Variants in FBXL5 observed in about 807,000 individuals in gnomAD.
FBXL5 encodes F-box/LRR-repeat protein 5.
A neutral mutation model predicts 78.3 loss-of-function variants in FBXL5; 26 were observed. The ratio of observed to expected loss-of-function variants is 0.33; its 90% CI spans 0.24 to 0.46. The LOEUF is 0.46. Ranked by LOEUF, FBXL5 falls within the 20% of genes least tolerant of loss-of-function variation. The pLI, the probability that FBXL5 is intolerant of heterozygous loss-of-function variation, is 1.00. For synonymous variants in FBXL5, 295 were observed against 282.5 expected, an observed-to-expected ratio of 1.04 and a Z score of -0.45; for missense variants, 710 against 829.2, an observed-to-expected ratio of 0.86 and a Z score of 1.77.
At chr4:15,626,605 T>C (rs1713089927) in intron 8 of FBXL5, among the ~76,000 whole-genome samples, 1 of 152,154 alleles carries the variant, frequency 6.6e-6, no homozygotes, top group Non-Finnish European at 1.5e-5. Context: ...TAAAAACATA[T>C]AATACCAATC....
At chr4:15,656,241 C>CT (rs1716931010), upstream of FBXL5, 1 of 456,134 alleles carries the variant, frequency 2.2e-6, no homozygotes, top group Non-Finnish European at 4.4e-6. Flanking sequence ...AGGAAAATGT[C>CT]TGCCTCTTTC....
chr4:15,668,272 G>C (rs968125988), intron 1 of FBXL5, among the ~76,000 whole-genome samples: 3 of 150,492 alleles, frequency 2.0e-5, no homozygotes, highest in Non-Finnish European at 4.4e-5. Flanking sequence ...TTTATAACTT[G>C]TAACATTTTA....
chr4:15,679,061 CTATTT>C (rs1403858424), intron 1 of FBXL5, among the ~76,000 whole-genome samples: 194 of 142,292 alleles, frequency 1.4e-3, no homozygotes, highest in African/African-American at 4.7e-3. Context: ...ACTAAAATCT[CTATTT>C]TTTTTTTTTT....
intron 9 of FBXL5, among the ~76,000 whole-genome samples, chr4:15,616,872 T>C (rs1711944270): frequency 6.6e-6 from 1 of 152,218 alleles, no homozygotes; most frequent in African/African-American, 2.4e-5. Flanking sequence ...GACATTTCCC[T>C]GTCACACTTT....
chr4:15,612,763 GA>G (rs1455675503), intron 9 of FBXL5, among the ~76,000 whole-genome samples: 1 of 151,888 alleles, frequency 6.6e-6, no homozygotes, highest in Non-Finnish European at 1.5e-5. Flanking sequence ...GAAAATTACT[GA>G]AGCTTAAAAC....
intron 1 of FBXL5, among the ~76,000 whole-genome samples, chr4:15,651,306 A>G (rs1427463749): frequency 2.6e-5 from 4 of 152,022 alleles, no homozygotes; most frequent in East Asian, 1.9e-4. Flanking sequence ...TCCGAAGGGG[A>G]AAAAAAATCC....
At chr4:15,617,350 T>A (rs909153301) in intron 9 of FBXL5, among the ~76,000 whole-genome samples, 1 of 151,670 alleles carries the variant, frequency 6.6e-6, no homozygotes, top group South Asian at 2.1e-4. Context: ...TGGACCAGAC[T>A]GGGCAACACG....
intron 9 of FBXL5, among the ~76,000 whole-genome samples, chr4:15,614,751 G>C (rs1163068046): frequency 6.6e-6 from 1 of 152,112 alleles, no homozygotes; most frequent in East Asian, 1.9e-4. Flanking sequence ...ACAGCACGCT[G>C]GCAGTCCTCA....
chr4:15,646,310 G>C (rs1715339627), intron 1 of FBXL5, among the ~76,000 whole-genome samples: 2 of 151,416 alleles, frequency 1.3e-5, no homozygotes, highest in Non-Finnish European at 2.9e-5. Flanking sequence ...GTGATGCTTG[G>C]CTCTTAAGCC....
At chr4:15,641,553 T>C (rs1162160369) in intron 2 of FBXL5, 13 of 451,478 alleles carry the variant, frequency 2.9e-5, no homozygotes, top group Admixed American at 2.7e-4. Context: ...ATATATATTT[T>C]ACATATAATA....
chr4:15,646,649 A>C (rs1440594830), intron 1 of FBXL5, among the ~76,000 whole-genome samples: 1 of 151,548 alleles, frequency 6.6e-6, no homozygotes, highest in Non-Finnish European at 1.5e-5. Context: ...GCACCCATTA[A>C]CCCGTCATCT....
At chr4:15,632,655 A>G (rs190416274) in intron 5 of FBXL5, among the ~76,000 whole-genome samples, 6 of 152,094 alleles carry the variant, frequency 3.9e-5, no homozygotes, top group African/African-American at 1.4e-4. Context: ...ATTCCTAGGT[A>G]TTTTATTCTC....
At chr4:15,678,520 T>G (rs1284249833) in intron 1 of FBXL5, among the ~76,000 whole-genome samples, 1 of 152,248 alleles carries the variant, frequency 6.6e-6, no homozygotes, top group African/African-American at 2.4e-5. Context: ...GCTACTTTCA[T>G]GCATAGGTAT....
At chr4:15,622,694 C>T (rs1238573392) in intron 9 of FBXL5, among the ~76,000 whole-genome samples, 1 of 152,084 alleles carries the variant, frequency 6.6e-6, no homozygotes, top group Admixed American at 6.6e-5. Context: ...TAGAACAGTG[C>T]AAGAAATGTA....
Position 15,628,047 on chromosome 4 carries a change from T to A in FBXL5, c.893-14A>T. On this transcript the variant is annotated splice_polypyrimidine_tract_variant and intron_variant, in intron 6 of 10. Transcript: ENST00000341285. ...CCGCAGACTCTTCTGTAAAATGAAT[T>A]CAAAAGTCCAAGAACTTGATAAACT... is the stretch of plus-strand genomic sequence containing the variant. 6.2e-7 allele frequency: 1 copy of A among 1,601,822 alleles called. No homozygotes were observed. The highest frequency in any genetic ancestry group is 1.1e-5 in the South Asian group (1 of 90,768).
At chr4:15,627,842 G>T (rs201380547) in intron 7 of FBXL5, 43 bp downstream of exon 7, 17 of 1,564,586 alleles carry the variant, frequency 1.1e-5, no homozygotes, top group Non-Finnish European at 1.7e-6. Context: ...CTCTTATCAT[G>T]CTGTTTTTCT....
At chr4:15,665,705 C>T (rs997162887) in intron 1 of FBXL5, among the ~76,000 whole-genome samples, 1 of 152,006 alleles carries the variant, frequency 6.6e-6, no homozygotes. Context: ...GCAGAAATAA[C>T]GTTTATCTGA....
upstream of FBXL5, chr4:15,659,687 A>G (rs1449502699): frequency 9.2e-6 from 9 of 977,164 alleles, no homozygotes; most frequent in Non-Finnish European, 1.1e-5. Flanking sequence ...CAGACAGAGA[A>G]GAGCCTTCCA....
At chr4:15,615,430 C>T (rs1457334889) in intron 9 of FBXL5, among the ~76,000 whole-genome samples, 3 of 135,044 alleles carry the variant, frequency 2.2e-5, no homozygotes, top group African/African-American at 5.5e-5. Context: ...GGATTGTAAA[C>T]ACACCAATCA....
Sources: allele counts gnomAD v4.1 joint callset (sites outside exome capture counted in the v4.1 genomes callset), GRCh38; gene constraint gnomAD v4.1.1; transcripts MANE v1.5; gene names NCBI Gene and HGNC (gene_info 2026-07-23, HGNC 2026-07-21).